The following ATP2C2 variants were observed in gnomAD, a reference collection of about 807,000 sequenced individuals.
ATP2C2 encodes ATPase secretory pathway Ca2+ transporting 2.
A neutral mutation model predicts 110.8 loss-of-function variants in ATP2C2; 171 were observed. That is an observed-to-expected ratio of 1.54 (90% CI 1.36 to 1.75). The LOEUF is 1.75. Among genes scored for constraint, ATP2C2 ranks in the 40% most tolerant of loss-of-function variants. The probability of loss-of-function intolerance (pLI) is 0.00; values close to 1 mark genes in which losing one functional copy is unlikely to be tolerated. For missense variants in ATP2C2, 1,963 were observed against 1,235.0 expected, an observed-to-expected ratio of 1.59 and a Z score of -8.84; for synonymous variants, 804 against 508.4, an observed-to-expected ratio of 1.58 and a Z score of -7.82.
Position 84,463,812 on chromosome 16 carries a change from G to T in ATP2C2, c.*80G>T. 1 of 1,318,360 alleles carries T rather than the reference G, an allele frequency of 7.6e-7. No homozygotes were observed. Among genetic ancestry groups the T allele is most frequent in the Non-Finnish European group, 1.1e-6 (1 of 919,612 alleles). The allele number at this position is 1,318,360 out of a possible 1,614,324, so 81.7% of individuals were successfully genotyped here. On this transcript the variant is annotated 3_prime_UTR_variant, in exon 27 of 27. Transcript: ENST00000262429. ...GCCCCTGCCGTGTCTCCTCGTCAGGGGAGACTTTTAGGAGGCCGCAGCCTT... is the reference window on the plus strand; with the variant it reads ...GCCCCTGCCGTGTCTCCTCGTCAGGTGAGACTTTTAGGAGGCCGCAGCCTT...
intron 11 of ATP2C2, among the ~76,000 whole-genome samples, chr16:84,429,076 T>C (rs1226255685): frequency 6.6e-6 from 1 of 152,196 alleles, no homozygotes; most frequent in Non-Finnish European, 1.5e-5. Flanking sequence ...AGGATGGTCT[T>C]GATCTCTAGT....
Position 84,461,808 on chromosome 16 carries a change from C to A in ATP2C2, c.2576C>A (p.Ser859Tyr). The A allele has an allele frequency of 1.2e-6, 2 of 1,613,868 alleles. No individual in the cohort carries two copies. Among genetic ancestry groups the A allele is most frequent in the Non-Finnish European group, 1.7e-6 (2 of 1,179,692 alleles). The part of the protein sequence containing the change: ...FDLFNALTCR[S>Y]QTKLIFEIGF... ...CTCTTCAACGCCTTGACCTGCCGCTCTCAGGTGAGACCCGGGCTGACCCTC... is the reference window on the plus strand; with the variant it reads ...CTCTTCAACGCCTTGACCTGCCGCTATCAGGTGAGACCCGGGCTGACCCTC... The change falls in exon 25 of 27, where the codon TCT becomes TAT. Residue 859 changes from serine to tyrosine, a missense_variant. Ser to Tyr is a moderately radical substitution (Grantham distance 144). Coordinates refer to ENST00000262429, the MANE Select transcript of ATP2C2 (RefSeq NM_014861.4).
At chr16:84,407,736 G>A (rs111389438) in intron 3 of ATP2C2, among the ~76,000 whole-genome samples, 4 of 152,032 alleles carry the variant, frequency 2.6e-5, no homozygotes, top group East Asian at 1.9e-4. Flanking sequence ...CCTCCCAAAG[G>A]GCTGGGATTA....
At chr16:84,432,533 C>T (rs1908374833) in intron 11 of ATP2C2, among the ~76,000 whole-genome samples, 1 of 151,682 alleles carries the variant, frequency 6.6e-6, no homozygotes, top group Non-Finnish European at 1.5e-5. Context: ...TGTTTGCTTG[C>T]TTGTTTTTGA....
intron 24 of ATP2C2, 117 bp downstream of exon 24, chr16:84,460,918 C>A: frequency 7.3e-7 from 1 of 1,366,516 alleles, no homozygotes; most frequent in Non-Finnish European, 9.9e-7. Context: ...CATGTACACA[C>A]ACCGGACAAT....
intron 1 of ATP2C2, among the ~76,000 whole-genome samples, chr16:84,390,514 T>G (rs1370638401): frequency 6.6e-6 from 1 of 152,132 alleles, no homozygotes; most frequent in African/African-American, 2.4e-5. Context: ...AGCAGGCAAA[T>G]AACATCTTGG....
rs539773663 is a variant in ATP2C2 at position 84,451,715 on chromosome 16, G to C, written c.1661-206G>C. Among the ~76,000 whole-genome samples, 3 of 152,276 alleles carry C rather than the reference G, an allele frequency of 2.0e-5. No individual in the cohort carries two copies. The South Asian group carries it at 6.2e-4, about 32-fold the overall frequency. ...TAGCTGGGCCTGGAGGCGCATGCCC[G>C]TAATCCCAGCTACTCAAGAGGCTGA... On this transcript the variant is annotated intron_variant, in intron 17 of 26. Transcript: ENST00000262429.
At chr16:84,460,575 G>A (rs1335548455) in intron 23 of ATP2C2, 79 bp from the exon 24 acceptor site, 4 of 1,599,340 alleles carry the variant, frequency 2.5e-6, no homozygotes, top group East Asian at 2.2e-5. Context: ...TGGCCTGGGA[G>A]GCTCAGGCAC....
chr16:84,433,803 A>G (rs1908501483), intron 11 of ATP2C2, among the ~76,000 whole-genome samples: 1 of 152,188 alleles, frequency 6.6e-6, no homozygotes, highest in Non-Finnish European at 1.5e-5. Context: ...AAGAAAAAGC[A>G]AAAAAGGCTT....
chr16:84,450,383 G>A (rs562378285), intron 17 of ATP2C2, among the ~76,000 whole-genome samples: 5 of 152,138 alleles, frequency 3.3e-5, no homozygotes, highest in Non-Finnish European at 5.9e-5. Flanking sequence ...AGATCCCCTG[G>A]AGTGGCTTGG....
intron 2 of ATP2C2, among the ~76,000 whole-genome samples, chr16:84,402,361 A>C (rs1905383926): frequency 6.6e-6 from 1 of 152,222 alleles, no homozygotes; most frequent in Non-Finnish European, 1.5e-5. Context: ...TATTCTGTTG[A>C]ATAGTAGTGG....
chr16:84,447,681 ATAT>A (rs1241413875), intron 16 of ATP2C2, among the ~76,000 whole-genome samples: 2 of 146,210 alleles, frequency 1.4e-5, no homozygotes, highest in African/African-American at 2.5e-5. Flanking sequence ...TATATTACAT[ATAT>A]TATTTAATAT....
chr16:84,456,335 C>T (rs1910786913), intron 21 of ATP2C2, among the ~76,000 whole-genome samples: 1 of 151,946 alleles, frequency 6.6e-6, no homozygotes, highest in South Asian at 2.1e-4. Flanking sequence ...AGAGATTCAA[C>T]TTCTTCCTGG....
rs1387090859 is a variant in ATP2C2 at position 84,439,173 on chromosome 16, G to C, written c.994G>C (p.Val332Leu). 1.2e-6 allele frequency: 2 copies of C among 1,612,242 alleles called. No homozygotes were observed. The highest frequency in any genetic ancestry group is 1.7e-6 in the Non-Finnish European group (2 of 1,180,024). Reference protein sequence around the residue: ...SMFTIGVSLAVAAIPEGLPIV... With the variant: ...SMFTIGVSLALAAIPEGLPIV... The stretch of plus-strand genomic sequence containing the variant: ...TTTGACCTTTCGATCCAGCCTGGCT[G>C]TGGCGGCCATTCCAGAGGGTCTGCC... Residue 332 changes from valine to leucine, a missense_variant, in exon 12 of 27, where the codon GTG becomes CTG. Coordinates refer to ENST00000262429, the MANE Select transcript of ATP2C2 (RefSeq NM_014861.4).
At chr16:84,459,097 T>C in intron 21 of ATP2C2, 23 bp from the exon 22 acceptor site, 1 of 1,613,782 alleles carries the variant, frequency 6.2e-7, no homozygotes, top group Non-Finnish European at 8.5e-7. Flanking sequence ...GCTCCGTGAG[T>C]AAATGGCTCT....
At chr16:84,423,029 C>T (rs1048540126) in intron 9 of ATP2C2, among the ~76,000 whole-genome samples, 159 bp from the exon 10 acceptor site, 5 of 152,066 alleles carry the variant, frequency 3.3e-5, no homozygotes, top group South Asian at 2.1e-4. Flanking sequence ...GACAGTAATA[C>T]GCACAGGTCT....
chr16:84,373,570 C>G (rs910678679), intron 1 of ATP2C2, among the ~76,000 whole-genome samples: 2 of 152,170 alleles, frequency 1.3e-5, no homozygotes, highest in African/African-American at 4.8e-5. Context: ...AATGAGGTCT[C>G]ATAACTTCTG....
intron 2 of ATP2C2, among the ~76,000 whole-genome samples, chr16:84,399,326 G>C (rs897997974): frequency 1.3e-5 from 2 of 152,212 alleles, no homozygotes; most frequent in African/African-American, 4.8e-5. Context: ...TGGAGAGGGG[G>C]AGGAAGTATT....
rs1421160805 is a variant in ATP2C2, at chr16:84,462,011, C to G, written c.2604C>G (p.Gly868=). Residue 868 remains glycine (G), a synonymous_variant, in exon 26 of 27, where the codon GGC becomes GGG. Transcript: ENST00000262429. ...RSQTKLIFEI[G]FLRNHMFLYS... The stretch of plus-strand genomic sequence containing the variant: ...AGACCAAGCTGATATTTGAGATCGG[C>G]TTTCTCAGGAACCACATGTTCCTCT... 1 of 1,613,812 alleles carries G rather than the reference C, an allele frequency of 6.2e-7. No homozygotes were observed. The highest frequency in any genetic ancestry group is 8.5e-7 in the Non-Finnish European group (1 of 1,179,842).
Sources: allele counts gnomAD v4.1 joint callset (sites outside exome capture counted in the v4.1 genomes callset), GRCh38; gene constraint gnomAD v4.1.1; transcripts MANE v1.5; gene names NCBI Gene and HGNC (gene_info 2026-07-23, HGNC 2026-07-21).